SYCP2L: variants seen among roughly 807,000 people sequenced by gnomAD.
The protein encoded by SYCP2L is synaptonemal complex protein 2-like.
In SYCP2L, 98 loss-of-function variants were observed where a neutral mutation model predicts 125.8. The ratio of observed to expected loss-of-function variants is 0.78; its 90% CI spans 0.66 to 0.92. The LOEUF is 0.92. Ranked by LOEUF, SYCP2L falls within the 40% of genes least tolerant of loss-of-function variation. The probability of loss-of-function intolerance (pLI) is 0.00; values close to 1 mark genes in which losing one functional copy is unlikely to be tolerated. For synonymous variants in SYCP2L, 317 were observed against 325.4 expected (o/e 0.97, Z 0.28); for missense variants, 842 against 936.4 (o/e 0.90, Z 1.32).
intron 25 of SYCP2L, among the ~76,000 whole-genome samples, chr6:10,958,173 G>T (rs1323697252): frequency 2.0e-5 from 3 of 151,944 alleles, no homozygotes; most frequent in African/African-American, 7.3e-5. Context: ...GGCCATTCTT[G>T]AATTGCTATA....
chr6:10,912,629 A>T lies in SYCP2L; in HGVS notation c.919-44A>T. 7.1e-7 allele frequency: 1 copy of T among 1,399,172 alleles called. No individual in the cohort carries two copies. The highest frequency in any genetic ancestry group is 1.0e-6 in the Non-Finnish European group (1 of 993,258). 86.7% of individuals were successfully genotyped at this position (1,399,172 alleles called of 1,614,324 possible). A position where few individuals can be genotyped will look rare whatever the true frequency, so the allele number is the denominator to read the frequency against. ...AATAATGTTTATCTGACCCTATAGC[A>T]TGATTTTTATGTGTATAAGTCATGC... On this transcript the variant is annotated intron_variant, in intron 12 of 29. Transcript: ENST00000283141. The surrounding 1 kb of genome is among the most constrained non-coding windows in gnomAD (Gnocchi z 4.1).
intron 14 of SYCP2L, among the ~76,000 whole-genome samples, chr6:10,915,796 C>G (rs987125570): frequency 6.6e-6 from 1 of 152,018 alleles, no homozygotes; most frequent in Non-Finnish European, 1.5e-5. Context: ...TTGGTAATGT[C>G]CCTTCCTGCT....
At chr6:10,972,870 G>A (rs957137308) in intron 29 of SYCP2L, among the ~76,000 whole-genome samples, 1 of 152,050 alleles carries the variant, frequency 6.6e-6, no homozygotes, top group Non-Finnish European at 1.5e-5. Context: ...TTTCCTGGAA[G>A]CCCAAGCTGA....
chr6:10,893,380 A>G (rs933044261), intron 2 of SYCP2L, among the ~76,000 whole-genome samples: 3 of 152,230 alleles, frequency 2.0e-5, no homozygotes, highest in Non-Finnish European at 4.4e-5. Context: ...GTCAATTTGC[A>G]TACTTATTAT....
intron 23 of SYCP2L, among the ~76,000 whole-genome samples, chr6:10,943,145 A>G (rs1781253105): frequency 6.6e-6 from 1 of 152,180 alleles, no homozygotes; most frequent in African/African-American, 2.4e-5. Flanking sequence ...TGTGTGGTCA[A>G]ATTATTAAAA....
At position 10,933,669 on chromosome 6, in the gene SYCP2L, G is replaced by A. The variant is rs561793307; in HGVS notation, c.1684-1389G>A. Among the ~76,000 whole-genome samples, 14 of 152,204 alleles carry A rather than the reference G, an allele frequency of 9.2e-5. 1 individual carries two copies. The South Asian group carries it at 1.5e-3, about 16-fold the overall frequency. On this transcript the variant is annotated intron_variant, in intron 20 of 29. Coordinates refer to ENST00000283141, the MANE Select transcript of SYCP2L (RefSeq NM_001040274.3). Reference sequence around the variant, plus strand: ...TTAGTATTTATTTTTTTGTGGCTACGTTTATTAGATGTGTCTTTGAAAAAT... The same window carrying A: ...TTAGTATTTATTTTTTTGTGGCTACATTTATTAGATGTGTCTTTGAAAAAT...
At chr6:10,887,463 T>C (rs779109392) in intron 1 of SYCP2L, among the ~76,000 whole-genome samples, 6 of 152,212 alleles carry the variant, frequency 3.9e-5, no homozygotes, top group Non-Finnish European at 7.3e-5. Context: ...TCTTTCCACC[T>C]TGCTGCGTAG....
At chr6:10,969,286 T>A (rs17674802) in intron 29 of SYCP2L, among the ~76,000 whole-genome samples, 30,278 of 151,944 alleles carry the variant, frequency 0.2, 3,684 homozygotes, top group South Asian at 0.27. Context: ...GTGATTTTTT[T>A]AAAAACTGCT....
At chr6:10,960,069 A>G (rs778427313) in intron 26 of SYCP2L, among the ~76,000 whole-genome samples, 13 of 152,098 alleles carry the variant, frequency 8.5e-5, no homozygotes, top group Non-Finnish European at 1.3e-4. Context: ...GTGATTACCA[A>G]TGGAAGTGCT....
intron 5 of SYCP2L, among the ~76,000 whole-genome samples, chr6:10,898,532 G>A (rs4713019): frequency 0.54 from 81,285 of 151,920 alleles, 22,882 homozygotes; most frequent in East Asian, 0.71. Context: ...AAAGACTCTC[G>A]TGTTTTATTA....
intron 24 of SYCP2L, among the ~76,000 whole-genome samples, chr6:10,955,827 C>G (rs939186115): frequency 1.3e-5 from 2 of 152,202 alleles, no homozygotes; most frequent in Admixed American, 1.3e-4. Flanking sequence ...TGCAAGCCCT[C>G]TGAAGACTGG....
intron 26 of SYCP2L, among the ~76,000 whole-genome samples, chr6:10,960,455 G>A (rs962677953): frequency 2.0e-5 from 3 of 152,138 alleles, no homozygotes; most frequent in African/African-American, 7.2e-5. Flanking sequence ...AGGTGAGGAT[G>A]AGTTTTAGGT....
intron 16 of SYCP2L, 110 bp from the exon 17 acceptor site, chr6:10,927,130 G>A (rs1004683127): frequency 2.7e-6 from 4 of 1,495,872 alleles, no homozygotes; most frequent in Non-Finnish European, 2.7e-6. Flanking sequence ...TAATTACCAG[G>A]TCTTACCAAA....
chr6:10,910,595 G>GTA (rs978442230), intron 11 of SYCP2L, among the ~76,000 whole-genome samples: 1 of 152,144 alleles, frequency 6.6e-6, no homozygotes. Flanking sequence ...ATCTGGCTGA[G>GTA]TAACTGGGTT....
At chr6:10,905,838 A>G (rs566787953) in intron 8 of SYCP2L, among the ~76,000 whole-genome samples, 182 bp from the exon 9 acceptor site, 2 of 152,218 alleles carry the variant, frequency 1.3e-5, no homozygotes, top group Admixed American at 6.5e-5. Context: ...CATCTAGATC[A>G]TTAATATATA....
intron 10 of SYCP2L, among the ~76,000 whole-genome samples, chr6:10,908,415 G>A (rs529943526): frequency 1.1e-4 from 16 of 152,278 alleles, no homozygotes; most frequent in African/African-American, 3.9e-4. Flanking sequence ...GAGCCATCTG[G>A]CCTGTACAAT....
intron 9 of SYCP2L, among the ~76,000 whole-genome samples, chr6:10,907,110 G>A (rs569515704): frequency 2.0e-5 from 3 of 152,100 alleles, no homozygotes; most frequent in African/African-American, 7.2e-5. Context: ...TTGGGAGGCC[G>A]AGGTGGGCAG....
intron 14 of SYCP2L, among the ~76,000 whole-genome samples, chr6:10,914,123 G>C (rs532333612): frequency 6.6e-6 from 1 of 152,028 alleles, no homozygotes; most frequent in African/African-American, 2.4e-5. Context: ...GTGAGCCACC[G>C]TGCCCATTCT....
chr6:10,950,598 T>G (rs1781393219), intron 23 of SYCP2L, among the ~76,000 whole-genome samples: 1 of 152,214 alleles, frequency 6.6e-6, no homozygotes, highest in African/African-American at 2.4e-5. Context: ...CTTTTGTTTT[T>G]GTAGTATGAT....
Sources: gnomAD v4.1 joint callset for allele counts (sites outside exome capture counted in the v4.1 genomes callset) on GRCh38, gnomAD v4.1.1 for gene constraint, Gnocchi (gnomAD v3.1) non-coding constraint, MANE v1.5 for transcripts, NCBI Gene and HGNC (gene_info 2026-07-23, HGNC 2026-07-21) for gene names.